Variants in DACH1 observed in about 807,000 individuals in gnomAD.
The protein encoded by DACH1 is dachshund family transcription factor 1.
In DACH1, 12 loss-of-function variants were observed where a neutral mutation model predicts 54.2. The ratio of observed to expected loss-of-function variants is 0.22; its 90% CI spans 0.14 to 0.36. The LOEUF (loss-of-function observed/expected upper bound fraction) is 0.36, where lower values mean the gene tolerates loss of function less well. Ranked by LOEUF, DACH1 falls within the 10% of genes least tolerant of loss-of-function variation. The pLI is 1.00. For missense variants in DACH1, 805 were observed against 929.8 expected (o/e 0.87, Z 1.75); for synonymous variants, 386 against 366.2 (o/e 1.05, Z -0.62).
At chr13:71,753,477 C>G (rs1203275038) in intron 1 of DACH1, among the ~76,000 whole-genome samples, 1 of 152,104 alleles carries the variant, frequency 6.6e-6, no homozygotes, top group African/African-American at 2.4e-5. Context: ...GATGTAATCA[C>G]TTAAAGAAGT....
At chr13:71,553,628 TTG>T (rs1282181274) in intron 6 of DACH1, among the ~76,000 whole-genome samples, 1 of 145,652 alleles carries the variant, frequency 6.9e-6, no homozygotes, top group Admixed American at 6.9e-5. Flanking sequence ...TATATAACAT[TTG>T]TTTTTGTATT....
intron 2 of DACH1, among the ~76,000 whole-genome samples, chr13:71,674,788 G>GAA (rs375954610): frequency 1.2e-4 from 4 of 34,108 alleles, no homozygotes; most frequent in African/African-American, 3.9e-4. Flanking sequence ...TTACAAAAAG[G>GAA]AAAAAAAAAA....
At chr13:71,576,104 C>A (rs1885511628) in intron 3 of DACH1, among the ~76,000 whole-genome samples, 1 of 151,950 alleles carries the variant, frequency 6.6e-6, no homozygotes, top group Admixed American at 6.6e-5. Context: ...ACATAAATAC[C>A]TTTAAAATTC....
chr13:71,835,286 A>G (rs12872248), intron 1 of DACH1, among the ~76,000 whole-genome samples: 12,202 of 152,148 alleles, frequency 0.08, 1,511 homozygotes, highest in African/African-American at 0.26. Flanking sequence ...GTATACAAAT[A>G]CAAGAAACAG....
intron 1 of DACH1, among the ~76,000 whole-genome samples, chr13:71,838,431 A>G (rs1428040066): frequency 6.6e-6 from 1 of 152,192 alleles, no homozygotes; most frequent in Non-Finnish European, 1.5e-5. Flanking sequence ...ATATTTTGGC[A>G]CATACAAACT....
At chr13:71,462,530 C>A (rs116599400) in intron 10 of DACH1, among the ~76,000 whole-genome samples, 505 of 151,662 alleles carry the variant, frequency 3.3e-3, no homozygotes, top group African/African-American at 0.012. Flanking sequence ...AAAAAAAAAT[C>A]ATTGACTGAG....
intron 1 of DACH1, among the ~76,000 whole-genome samples, chr13:71,693,931 T>C (rs1490489993): frequency 6.6e-6 from 1 of 152,142 alleles, no homozygotes; most frequent in Non-Finnish European, 1.5e-5. Context: ...GGGATTACTG[T>C]ATAAGCATCT....
intron 10 of DACH1, among the ~76,000 whole-genome samples, chr13:71,461,893 A>G (rs371670659): frequency 6.6e-6 from 1 of 152,050 alleles, no homozygotes; most frequent in East Asian, 1.9e-4. Flanking sequence ...TCAAATAATT[A>G]GTTCTTAATT....
At chr13:71,573,558 G>A (rs1030321879) in intron 3 of DACH1, 1 of 593,588 alleles carries the variant, frequency 1.7e-6, no homozygotes, top group African/African-American at 2.0e-5. Context: ...CTTATCCCAG[G>A]AACCATCACT....
intron 1 of DACH1, among the ~76,000 whole-genome samples, chr13:71,732,649 A>G (rs1420228164): frequency 6.6e-6 from 1 of 151,544 alleles, no homozygotes; most frequent in Non-Finnish European, 1.5e-5. Flanking sequence ...TCAGCAAATA[A>G]TAGTCTGTAG....
At chr13:71,805,351 C>G (rs2138135932) in intron 1 of DACH1, among the ~76,000 whole-genome samples, 1 of 152,210 alleles carries the variant, frequency 6.6e-6, no homozygotes, top group Non-Finnish European at 1.5e-5. Context: ...TTTCGGTTGC[C>G]TCAAAAGAGT....
At chr13:71,748,932 CT>C (rs1418681155) in intron 1 of DACH1, among the ~76,000 whole-genome samples, 1 of 43,166 alleles carries the variant, frequency 2.3e-5, no homozygotes, top group African/African-American at 5.2e-5. Flanking sequence ...TTCTTTCTTT[CT>C]TTCTTTCTTT....
intron 1 of DACH1, among the ~76,000 whole-genome samples, chr13:71,814,132 C>A (rs1404249117): frequency 6.6e-6 from 1 of 152,166 alleles, no homozygotes; most frequent in African/African-American, 2.4e-5. Context: ...TAAAAACTTT[C>A]CATCAGCAGT....
At chr13:71,717,139 C>T (rs1300562168) in intron 1 of DACH1, among the ~76,000 whole-genome samples, 5 of 151,812 alleles carry the variant, frequency 3.3e-5, no homozygotes, top group Admixed American at 1.3e-4. Flanking sequence ...TATGTACACA[C>T]CTACAAAATT....
intron 3 of DACH1, among the ~76,000 whole-genome samples, chr13:71,574,013 C>T (rs553282325): frequency 2.0e-5 from 3 of 152,110 alleles, no homozygotes; most frequent in Non-Finnish European, 4.4e-5. Context: ...AGCCATTAAA[C>T]GTCCAGCTTG....
At chr13:71,458,199 A>T (rs368589770) in intron 10 of DACH1, among the ~76,000 whole-genome samples, 1 of 152,068 alleles carries the variant, frequency 6.6e-6, no homozygotes, top group African/African-American at 2.4e-5. Flanking sequence ...AGAATTTAAA[A>T]AAAACAGCAG....
chr13:71,465,876 T>G (rs1025283109), intron 10 of DACH1, among the ~76,000 whole-genome samples: 4 of 152,188 alleles, frequency 2.6e-5, no homozygotes, highest in African/African-American at 9.6e-5. Context: ...TTCTACCTCT[T>G]GTCTGATACT....
At position 71,861,991 on chromosome 13, in the gene DACH1, A is replaced by G. The variant is rs142400020; in HGVS notation, c.848+3931T>C. The stretch of plus-strand genomic sequence containing the variant: ...ACTACAATTTCATTCATATATTACT[A>G]CTGAAACATAAAACACTTTCAATAT... On this transcript the variant is annotated intron_variant, in intron 1 of 10. Coordinates refer to ENST00000613252, the MANE Select transcript of DACH1 (RefSeq NM_080759.6). 3.8e-3 allele frequency among the ~76,000 whole-genome samples: 572 copies of G among 151,648 alleles called. 1 individual carries two copies. Among genetic ancestry groups the G allele is most frequent in the African/African-American group, 0.013 (539 of 41,406 alleles).
At chr13:71,461,377 G>A (rs979146783) in intron 10 of DACH1, among the ~76,000 whole-genome samples, 2 of 151,836 alleles carry the variant, frequency 1.3e-5, no homozygotes, top group Non-Finnish European at 2.9e-5. Flanking sequence ...TGACTGAACT[G>A]CTATTTTCAA....
Sources: allele counts gnomAD v4.1 joint callset (sites outside exome capture counted in the v4.1 genomes callset), GRCh38; gene constraint gnomAD v4.1.1; transcripts MANE v1.5; gene names NCBI Gene and HGNC (gene_info 2026-07-23, HGNC 2026-07-21).